The following CENPW variants were observed in gnomAD, a reference collection of about 807,000 sequenced individuals.
CENPW encodes centromere protein W.
In CENPW, 3 loss-of-function variants were observed where a neutral mutation model predicts 11.1. That is an observed-to-expected ratio of 0.27 (90% CI 0.12 to 0.70). CENPW has a LOEUF of 0.70. Ranked by LOEUF, CENPW falls within the 30% of genes least tolerant of loss-of-function variation. The probability of loss-of-function intolerance (pLI) is 0.77; values close to 1 mark genes in which losing one functional copy is unlikely to be tolerated. For synonymous variants in CENPW, 38 were observed against 42.0 expected (o/e 0.91, Z 0.37); for missense variants, 100 against 105.6 (o/e 0.95, Z 0.23).
the CENPW span, among the ~76,000 whole-genome samples, chr6:126,372,459 C>G: frequency 6.6e-6 from 1 of 152,028 alleles, no homozygotes; most frequent in East Asian, 1.9e-4. Flanking sequence ...CTTGCGATCT[C>G]AGTTGATGGT....
At chr6:126,376,220 T>A in the CENPW span, among the ~76,000 whole-genome samples, 1 of 152,192 alleles carries the variant, frequency 6.6e-6, no homozygotes, top group Non-Finnish European at 1.5e-5. Context: ...GCAGTAAAGA[T>A]ATTTTGTGGT....
At chr6:126,481,900 T>C in the CENPW span, among the ~76,000 whole-genome samples, 1 of 152,142 alleles carries the variant, frequency 6.6e-6, no homozygotes, top group African/African-American at 2.4e-5. Context: ...GGTATTACTT[T>C]GCATTAATGA....
chr6:126,421,638 C>G, the CENPW span, among the ~76,000 whole-genome samples: 21 of 149,942 alleles, frequency 1.4e-4, no homozygotes, highest in Admixed American at 1.4e-3. Context: ...AGTCTCTGGT[C>G]AAATTACTTC....
chr6:126,404,486 C>G, the CENPW span, among the ~76,000 whole-genome samples: 2 of 152,054 alleles, frequency 1.3e-5, no homozygotes, highest in Non-Finnish European at 2.9e-5. Context: ...GTGCAGATAT[C>G]TCTTCAACAT....
chr6:126,422,785 C>T, the CENPW span, among the ~76,000 whole-genome samples: 8 of 152,214 alleles, frequency 5.3e-5, no homozygotes, highest in East Asian at 1.5e-3. Context: ...CACCTGAAAA[C>T]GTGCCTTTAA....
the CENPW span, among the ~76,000 whole-genome samples, chr6:126,438,859 G>A: frequency 2.6e-5 from 4 of 151,628 alleles, no homozygotes; most frequent in East Asian, 5.8e-4. Flanking sequence ...ACAAAATACA[G>A]CAGTATCAAT....
At chr6:126,356,291 T>G in the CENPW span, among the ~76,000 whole-genome samples, 1 of 152,154 alleles carries the variant, frequency 6.6e-6, no homozygotes, top group Non-Finnish European at 1.5e-5. Flanking sequence ...TTTTGCATGC[T>G]GTGTGATTTT....
chr6:126,413,013 C>T, the CENPW span, among the ~76,000 whole-genome samples: 2 of 152,056 alleles, frequency 1.3e-5, no homozygotes, highest in South Asian at 4.1e-4. Flanking sequence ...ATCTTTATGA[C>T]ATTTTCCAGA....
chr6:126,466,865 T>C, the CENPW span, among the ~76,000 whole-genome samples: 3 of 151,710 alleles, frequency 2.0e-5, no homozygotes, highest in African/African-American at 7.3e-5. Flanking sequence ...AAGAGCCAAA[T>C]CAGGAACTCA....
chr6:126,413,489 T>C, the CENPW span, among the ~76,000 whole-genome samples: 1 of 152,084 alleles, frequency 6.6e-6, no homozygotes, highest in Non-Finnish European at 1.5e-5. Flanking sequence ...AGAAAAGCCA[T>C]CTTTCAACAA....
chr6:126,375,761 T>G, the CENPW span, among the ~76,000 whole-genome samples: 1 of 152,150 alleles, frequency 6.6e-6, no homozygotes, highest in Non-Finnish European at 1.5e-5. Context: ...GCTTTTCTTT[T>G]TTCTCTCACT....
Position 126,340,167 on chromosome 6 carries a change from A to C in CENPW, c.-107A>C, listed in dbSNP as rs1216591906. 2 of 1,025,638 alleles carry C rather than the reference A, an allele frequency of 2.0e-6. No individual in the cohort carries two copies. The highest frequency in any genetic ancestry group is 2.4e-5 in the East Asian group (1 of 41,826). 63.5% of individuals were successfully genotyped at this position (1,025,638 alleles called of 1,614,324 possible). Reference sequence around the variant, plus strand: ...CGGACTGAGGTTTTTCTGCCTGAAGAAGCGTCATACGGACCGGATTGTTTT... The same window carrying C: ...CGGACTGAGGTTTTTCTGCCTGAAGCAGCGTCATACGGACCGGATTGTTTT... On this transcript the variant is annotated 5_prime_UTR_variant, in exon 1 of 3. Coordinates refer to ENST00000368328, the MANE Select transcript of CENPW (RefSeq NM_001012507.4).
At position 126,348,116 on chromosome 6, in the gene CENPW, C is replaced by T. The variant is rs1430085405; in HGVS notation, c.241-350C>T. Among the ~76,000 whole-genome samples, 9 of 151,816 alleles carry T rather than the reference C, an allele frequency of 5.9e-5. No homozygotes were observed. The East Asian group carries it at 1.7e-3, about 29-fold the overall frequency. On this transcript the variant is annotated intron_variant, in intron 2 of 2. Coordinates refer to ENST00000368328, the MANE Select transcript of CENPW (RefSeq NM_001012507.4). Reference sequence around the variant, plus strand: ...ACTCTTTAATTGGTATTGTTTAACTCCTAATTTAGATAACTAAATTGTCTA... The same window carrying T: ...ACTCTTTAATTGGTATTGTTTAACTTCTAATTTAGATAACTAAATTGTCTA...
the CENPW span, among the ~76,000 whole-genome samples, chr6:126,368,177 A>G: frequency 3.9e-5 from 6 of 152,208 alleles, no homozygotes; most frequent in African/African-American, 1.4e-4. Flanking sequence ...ATATCCAGGT[A>G]TCACCTTTAT....
At chr6:126,472,420 T>C in the CENPW span, among the ~76,000 whole-genome samples, 1 of 152,334 alleles carries the variant, frequency 6.6e-6, no homozygotes, top group South Asian at 2.1e-4. Flanking sequence ...GTATGTACTC[T>C]TTCTTTTTCT....
the CENPW span, among the ~76,000 whole-genome samples, chr6:126,453,586 T>A: frequency 6.6e-6 from 1 of 151,128 alleles, no homozygotes; most frequent in South Asian, 2.1e-4. Flanking sequence ...AGATTCCTAC[T>A]GGTCACCACA....
At chr6:126,404,224 ATGT>A in the CENPW span, among the ~76,000 whole-genome samples, 1 of 152,112 alleles carries the variant, frequency 6.6e-6, no homozygotes, top group African/African-American at 2.4e-5. Context: ...TAAAAGATTA[ATGT>A]TGTTTACATA....
At chr6:126,472,409 A>C in the CENPW span, among the ~76,000 whole-genome samples, 1 of 152,216 alleles carries the variant, frequency 6.6e-6, no homozygotes, top group Non-Finnish European at 1.5e-5. Context: ...GGAATCATAT[A>C]GTATGTACTC....
At chr6:126,360,313 C>T in the CENPW span, among the ~76,000 whole-genome samples, 26 of 143,604 alleles carry the variant, frequency 1.8e-4, no homozygotes, top group African/African-American at 6.4e-4. Flanking sequence ...GATGGGGTTC[C>T]TTTTGTATGT....
Sources: gnomAD v4.1 joint callset for allele counts (sites outside exome capture counted in the v4.1 genomes callset) on GRCh38, gnomAD v4.1.1 for gene constraint, MANE v1.5 for transcripts, NCBI Gene and HGNC (gene_info 2026-07-23, HGNC 2026-07-21) for gene names.